Variants in MTMR14 observed in about 807,000 individuals in gnomAD.
MTMR14 encodes the protein phosphatidylinositol-3,5-bisphosphate 3-phosphatase MTMR14.
A neutral mutation model predicts 86.3 loss-of-function variants in MTMR14; 48 were observed. The observed-to-expected ratio is 0.56, with a 90% confidence interval of 0.44 to 0.71. The LOEUF is 0.71. Among genes scored for constraint, MTMR14 ranks in the 30% least tolerant of loss-of-function variants. The pLI, the probability that MTMR14 is intolerant of heterozygous loss-of-function variation, is 0.00. For missense variants in MTMR14, 780 were observed against 834.6 expected (o/e 0.93, Z 0.81); for synonymous variants, 366 against 326.1 (o/e 1.12, Z -1.32).
At chr3:9,663,325 G>A (rs1347602816) in intron 3 of MTMR14, among the ~76,000 whole-genome samples, 2 of 151,932 alleles carry the variant, frequency 1.3e-5, no homozygotes, top group Admixed American at 1.3e-4. Context: ...TTGGGAAAGA[G>A]GAGGAAGGAA....
At chr3:9,664,210 G>A (rs1010802665) in intron 3 of MTMR14, among the ~76,000 whole-genome samples, 4 of 150,646 alleles carry the variant, frequency 2.7e-5, no homozygotes, top group Admixed American at 1.3e-4. Flanking sequence ...CTTGCGAAAA[G>A]CATTATCTGT....
chr3:9,664,940 T>C (rs2048161976), intron 3 of MTMR14, among the ~76,000 whole-genome samples: 2 of 152,136 alleles, frequency 1.3e-5, no homozygotes, highest in Admixed American at 6.5e-5. Context: ...ATGCTTGAGG[T>C]GATGGATACC....
intron 1 of MTMR14, among the ~76,000 whole-genome samples, chr3:9,652,422 A>G (rs1241478350): frequency 6.6e-6 from 1 of 152,116 alleles, no homozygotes; most frequent in Non-Finnish European, 1.5e-5. Flanking sequence ...TACTGGTTGC[A>G]TGGAATAGAG....
chr3:9,691,282 TGTG>T (rs1233049370), intron 17 of MTMR14, among the ~76,000 whole-genome samples: 3 of 151,630 alleles, frequency 2.0e-5, no homozygotes, highest in African/African-American at 7.3e-5. Flanking sequence ...CCATGGGAGG[TGTG>T]GTGGAAGTGG....
rs1028733587 is a variant in MTMR14, at chr3:9,683,331, G to A, written c.964+87G>A. Reference sequence around the variant, plus strand: ...CTGCCTCAACTGTATGTTTGTTGGAGTTGCACACCTTACTTTTGTGCTGTG... The same window carrying A: ...CTGCCTCAACTGTATGTTTGTTGGAATTGCACACCTTACTTTTGTGCTGTG... On this transcript the variant is annotated intron_variant, in intron 10 of 18. Transcript: ENST00000296003. 9 of 1,262,868 alleles carry A rather than the reference G, an allele frequency of 7.1e-6. No homozygotes were observed. The Admixed American group carries it at 1.0e-4, about 14-fold the overall frequency. The allele number at this position is 1,262,868 out of a possible 1,614,324, so 78.2% of individuals were successfully genotyped here. A position where few individuals can be genotyped will look rare whatever the true frequency, so the allele number is the denominator to read the frequency against.
intron 9 of MTMR14, among the ~76,000 whole-genome samples, chr3:9,682,232 G>C (rs1211165156): frequency 4.6e-5 from 7 of 152,210 alleles, no homozygotes; most frequent in Non-Finnish European, 7.3e-5. Context: ...GTCACTAAAA[G>C]TGGGTCAGAA....
At chr3:9,653,579 C>A (rs763055498) in intron 1 of MTMR14, 42 bp from the exon 2 acceptor site, 1 of 1,613,364 alleles carries the variant, frequency 6.2e-7, no homozygotes, top group East Asian at 2.2e-5. Flanking sequence ...ACCCTCAGAA[C>A]CCCAGAATTC....
At chr3:9,678,102 G>T in intron 9 of MTMR14, 44 bp downstream of exon 9, 1 of 1,602,926 alleles carries the variant, frequency 6.2e-7, no homozygotes, top group Non-Finnish European at 8.5e-7. Flanking sequence ...TAAGGGAGTG[G>T]TGACCAAGGA....
chr3:9,672,303 A>G (rs548032323), intron 6 of MTMR14, among the ~76,000 whole-genome samples: 25 of 152,170 alleles, frequency 1.6e-4, no homozygotes, highest in Admixed American at 3.9e-4. Context: ...CAGTGGCACA[A>G]TCTTGGCTCA....
At chr3:9,652,155 AG>A (rs2047339163) in intron 1 of MTMR14, among the ~76,000 whole-genome samples, 1 of 151,876 alleles carries the variant, frequency 6.6e-6, no homozygotes, top group African/African-American at 2.4e-5. Context: ...TAGTAGAGAA[AG>A]GGTTTCACCT....
rs1176183511 is a variant in MTMR14, at chr3:9,659,588, C to T, written c.309-2679C>T. 1.5e-5 allele frequency: 6 copies of T among 395,302 alleles called. No individual in the cohort carries two copies. The East Asian group carries it at 2.2e-4, about 14-fold the overall frequency. The allele number at this position is 395,302 out of a possible 1,614,324, so 24.5% of individuals were successfully genotyped here. A position where few individuals can be genotyped will look rare whatever the true frequency, so the allele number is the denominator to read the frequency against. On this transcript the variant is annotated intron_variant, in intron 2 of 18. Coordinates refer to ENST00000296003, the MANE Select transcript of MTMR14 (RefSeq NM_001077525.3). ...CCTCCCGAGTAGCTGGGATTAGAGG[C>T]GCGTGCTGCCACGCCTGTCTAATTT... is the stretch of plus-strand genomic sequence containing the variant.
intron 1 of MTMR14, among the ~76,000 whole-genome samples, chr3:9,652,216 C>T (rs2047342834): frequency 6.6e-6 from 1 of 152,040 alleles, no homozygotes; most frequent in Admixed American, 6.5e-5. Context: ...CTGCCCTCCT[C>T]GGTGCCTCCC....
At position 9,664,339 on chromosome 3, in the gene MTMR14, G is replaced by A. The variant is rs148753376; in HGVS notation, c.417+1964G>A. 1.9e-3 allele frequency among the ~76,000 whole-genome samples: 285 copies of A among 151,564 alleles called. 2 individuals are homozygous for A. The highest frequency in any genetic ancestry group is 6.5e-3 in the African/African-American group (268 of 41,260). The stretch of plus-strand genomic sequence containing the variant: ...GAGAGGCCTGTGTTAGGTCAGACAT[G>A]TGGCTCACGGTAGGCACTGAGGAAC... On this transcript the variant is annotated intron_variant, in intron 3 of 18. Transcript: ENST00000296003.
chr3:9,688,838 G>GT (rs1404012792), intron 15 of MTMR14, 84 bp downstream of exon 15: 7 of 1,593,436 alleles, frequency 4.4e-6, no homozygotes, highest in East Asian at 4.5e-5. Context: ...GTGCTAAGAG[G>GT]TTTTTTGTTT....
intron 3 of MTMR14, among the ~76,000 whole-genome samples, chr3:9,663,825 T>C (rs1181885042): frequency 6.9e-6 from 1 of 145,210 alleles, no homozygotes; most frequent in Non-Finnish European, 1.5e-5. Context: ...GAGTCTCTTC[T>C]GTTGCCAGGC....
At chr3:9,665,279 CAAAAAAA>C (rs748046896) in intron 3 of MTMR14, among the ~76,000 whole-genome samples, 5 of 67,004 alleles carry the variant, frequency 7.5e-5, no homozygotes, top group African/African-American at 2.6e-4. Flanking sequence ...GAGACTGTCT[CAAAAAAA>C]AAAAAAAAAA....
chr3:9,685,394 G>C, intron 13 of MTMR14, 147 bp downstream of exon 13: 1 of 990,266 alleles, frequency 1.0e-6, no homozygotes, highest in Non-Finnish European at 1.6e-6. Flanking sequence ...CTGAGGCAGC[G>C]TGGCAGGACA....
intron 17 of MTMR14, among the ~76,000 whole-genome samples, chr3:9,693,453 C>T (rs2076195169): frequency 6.6e-6 from 1 of 152,228 alleles, no homozygotes; most frequent in Non-Finnish European, 1.5e-5. Context: ...CTACAGATAG[C>T]CTGCTGTTGA....
At chr3:9,686,113 C>G (rs2075943067) in intron 13 of MTMR14, among the ~76,000 whole-genome samples, 1 of 152,194 alleles carries the variant, frequency 6.6e-6, no homozygotes, top group African/African-American at 2.4e-5. Context: ...CGCACCTCCT[C>G]CTTTTGTTCC....
Sources: allele counts gnomAD v4.1 joint callset (sites outside exome capture counted in the v4.1 genomes callset), GRCh38; gene constraint gnomAD v4.1.1; transcripts MANE v1.5; gene names NCBI Gene and HGNC (gene_info 2026-07-23, HGNC 2026-07-21).